Variants in L3MBTL4 observed in about 807,000 individuals in gnomAD.
L3MBTL4 encodes the protein lethal(3)malignant brain tumor-like protein 4.
A neutral mutation model predicts 84.5 loss-of-function variants in L3MBTL4; 70 were observed. The observed-to-expected ratio is 0.83, with a 90% CI of 0.68 to 1.01. L3MBTL4 has a LOEUF of 1.01. L3MBTL4 is among the 50% of genes least tolerant of loss of function. The pLI, the probability that L3MBTL4 is intolerant of heterozygous loss-of-function variation, is 0.00. For missense variants in L3MBTL4, 715 were observed against 754.8 expected, an observed-to-expected ratio of 0.95 and a Z score of 0.62; for synonymous variants, 274 against 259.8, an observed-to-expected ratio of 1.05 and a Z score of -0.52.
rs868263060 is a variant in L3MBTL4 at position 6,277,247 on chromosome 18, C to A, written c.128-13209G>T. Among the ~76,000 whole-genome samples the A allele has an allele frequency of 2.6e-5, 4 of 152,036 alleles. No individual in the cohort carries two copies. The South Asian group carries it at 8.3e-4, about 32-fold the overall frequency. On this transcript the variant is annotated intron_variant, in intron 4 of 18. Transcript: ENST00000317931. ...GCACATGTATACATATGTAACTAAC[C>A]TGCACAATGTGCACATGTACCCTAA... is the stretch of plus-strand genomic sequence containing the variant.
intron 14 of L3MBTL4, among the ~76,000 whole-genome samples, chr18:6,107,380 A>T (rs1472173400): frequency 6.6e-6 from 1 of 152,100 alleles, no homozygotes; most frequent in Admixed American, 6.5e-5. Context: ...TTGGCTCTCG[A>T]ATTGGGAAAG....
intron 1 of L3MBTL4, chr18:6,374,499 A>T (rs1195616448): frequency 1.3e-5 from 2 of 154,820 alleles, no homozygotes; most frequent in African/African-American, 4.8e-5. Flanking sequence ...GCCTAACAGG[A>T]AGTGAGTGTC....
At chr18:6,335,458 G>A (rs190092545) in intron 1 of L3MBTL4, among the ~76,000 whole-genome samples, 3 of 152,258 alleles carry the variant, frequency 2.0e-5, no homozygotes, top group Non-Finnish European at 2.9e-5. Context: ...GTATTAGAGT[G>A]TCATGACTAC....
At chr18:6,191,069 AAG>A (rs545401843) in intron 12 of L3MBTL4, among the ~76,000 whole-genome samples, 55 of 152,258 alleles carry the variant, frequency 3.6e-4, no homozygotes, top group African/African-American at 1.3e-3. Flanking sequence ...GGGAGACAGG[AAG>A]AGAGACTAGA....
At chr18:6,334,068 A>G (rs886340524) in intron 1 of L3MBTL4, among the ~76,000 whole-genome samples, 1 of 152,226 alleles carries the variant, frequency 6.6e-6, no homozygotes, top group African/African-American at 2.4e-5. Flanking sequence ...ACGGTCTTGC[A>G]GTGCTGCTAA....
At chr18:6,009,416 A>C (rs549388721) in intron 16 of L3MBTL4, among the ~76,000 whole-genome samples, 40 of 152,074 alleles carry the variant, frequency 2.6e-4, no homozygotes, top group Non-Finnish European at 5.1e-4. Context: ...TCCACCAGGA[A>C]CTCAAGGCTC....
intron 1 of L3MBTL4, among the ~76,000 whole-genome samples, chr18:6,324,925 A>G (rs1483584545): frequency 6.6e-6 from 1 of 152,250 alleles, no homozygotes; most frequent in Non-Finnish European, 1.5e-5. Context: ...TTCATTAGTA[A>G]TCAGGAAAAT....
intron 4 of L3MBTL4, among the ~76,000 whole-genome samples, chr18:6,275,699 T>C (rs2049050863): frequency 1.3e-5 from 2 of 152,196 alleles, no homozygotes; most frequent in African/African-American, 2.4e-5. Context: ...TGGGAAATTA[T>C]CAAGGTTTTT....
intron 16 of L3MBTL4, among the ~76,000 whole-genome samples, chr18:6,002,995 A>G (rs1475722735): frequency 6.6e-6 from 1 of 150,774 alleles, no homozygotes; most frequent in African/African-American, 2.4e-5. Context: ...GAAAGGGAAA[A>G]GATGTAAAAG....
chr18:6,056,942 T>C (rs2057046217), intron 16 of L3MBTL4, among the ~76,000 whole-genome samples: 1 of 152,186 alleles, frequency 6.6e-6, no homozygotes, highest in African/African-American at 2.4e-5. Flanking sequence ...GATGAACATA[T>C]TGTTATTATC....
At chr18:5,979,788 T>A (rs1276117739) in intron 16 of L3MBTL4, among the ~76,000 whole-genome samples, 1 of 152,192 alleles carries the variant, frequency 6.6e-6, no homozygotes, top group Non-Finnish European at 1.5e-5. Flanking sequence ...TAAGCCTCTG[T>A]GTTGCAATAC....
intron 3 of L3MBTL4, among the ~76,000 whole-genome samples, chr18:6,310,902 A>T (rs1384263427): frequency 1.3e-5 from 2 of 152,152 alleles, no homozygotes. Context: ...AAAGTAGATC[A>T]CTCTGTAATG....
At position 6,121,714 on chromosome 18, in the gene L3MBTL4, GTGTGTA is replaced by G. The variant is rs1455076490; in HGVS notation, c.1199+16474_1199+16479del. On this transcript the variant is annotated intron_variant, in intron 14 of 18. Coordinates refer to ENST00000317931, the MANE Select transcript of L3MBTL4 (RefSeq NM_001330559.2). Reference sequence around the variant, plus strand: ...TGTGTGTGTGTGTGTGTGTGTGTGTGTGTGTATGTGTGTGTGCATGTTTGTATTTTG... The same window carrying G: ...TGTGTGTGTGTGTGTGTGTGTGTGTGTGTGTGTGTGCATGTTTGTATTTTG... Among the ~76,000 whole-genome samples, 9 of 137,036 alleles carry G rather than the reference GTGTGTA, an allele frequency of 6.6e-5. No homozygotes were observed. In the East Asian group the frequency reaches 1.8e-3, roughly 27 times the overall value. 89.9% of individuals were successfully genotyped at this position (137,036 alleles called of 152,430 possible).
intron 3 of L3MBTL4, among the ~76,000 whole-genome samples, chr18:6,308,068 C>T (rs2050671824): frequency 6.6e-6 from 1 of 152,172 alleles, no homozygotes; most frequent in Admixed American, 6.5e-5. Flanking sequence ...CACCACGTGC[C>T]TACTTTGCTA....
At chr18:6,019,430 T>A (rs755557186) in intron 16 of L3MBTL4, among the ~76,000 whole-genome samples, 2 of 152,236 alleles carry the variant, frequency 1.3e-5, no homozygotes, top group Non-Finnish European at 1.5e-5. Flanking sequence ...CCCCCTCATG[T>A]TGACCCAGCT....
At chr18:6,350,451 T>C (rs2053126730) in intron 1 of L3MBTL4, among the ~76,000 whole-genome samples, 1 of 151,964 alleles carries the variant, frequency 6.6e-6, no homozygotes. Context: ...TGAACAGACA[T>C]TTCTCCAAAG....
chr18:6,055,019 C>A (rs2056971784), intron 16 of L3MBTL4, among the ~76,000 whole-genome samples: 1 of 152,206 alleles, frequency 6.6e-6, no homozygotes, highest in Non-Finnish European at 1.5e-5. Context: ...GGAATTGCAC[C>A]TTTAACCTCA....
intron 4 of L3MBTL4, among the ~76,000 whole-genome samples, chr18:6,272,068 G>A (rs1200759653): frequency 6.6e-6 from 1 of 152,238 alleles, no homozygotes; most frequent in Non-Finnish European, 1.5e-5. Flanking sequence ...GTTGACTGTT[G>A]CTGTTAAGCG....
At chr18:6,300,971 G>C (rs943127628) in intron 4 of L3MBTL4, among the ~76,000 whole-genome samples, 8 of 152,090 alleles carry the variant, frequency 5.3e-5, no homozygotes, top group Admixed American at 4.6e-4. Context: ...GAGGCGGCAA[G>C]AGAAGAAAAG....
Sources: gnomAD v4.1 joint callset for allele counts (sites outside exome capture counted in the v4.1 genomes callset) on GRCh38, gnomAD v4.1.1 for gene constraint, MANE v1.5 for transcripts, NCBI Gene and HGNC (gene_info 2026-07-23, HGNC 2026-07-21) for gene names.